Variants in FAM168A observed in about 807,000 individuals in gnomAD.
The protein encoded by FAM168A is family with sequence similarity 168 member A, also known as protein FAM168A.
Under a neutral mutation model 28.5 loss-of-function variants are expected in FAM168A, and 3 were observed. That is an observed-to-expected ratio of 0.11 (90% CI 0.05 to 0.27). FAM168A has a LOEUF of 0.27. FAM168A is among the 10% of genes least tolerant of loss of function. The pLI, the probability that FAM168A is intolerant of heterozygous loss-of-function variation, is 1.00. For synonymous variants in FAM168A, 122 were observed against 124.2 expected (o/e 0.98, Z 0.12); for missense variants, 222 against 311.5 (o/e 0.71, Z 2.16).
intron 1 of FAM168A, among the ~76,000 whole-genome samples, chr11:73,557,837 GA>G (rs1211541359): frequency 6.6e-6 from 1 of 152,150 alleles, no homozygotes; most frequent in Non-Finnish European, 1.5e-5. Flanking sequence ...CAATGGAACA[GA>G]ATCACAAGTC....
intron 1 of FAM168A, among the ~76,000 whole-genome samples, chr11:73,502,998 T>C (rs1459540231): frequency 9.2e-5 from 14 of 152,084 alleles, no homozygotes; most frequent in Admixed American, 6.6e-5. Context: ...ATGGAACATA[T>C]CTCAAAATAA....
At chr11:73,572,254 G>A (rs1333194829) in intron 1 of FAM168A, among the ~76,000 whole-genome samples, 1 of 149,486 alleles carries the variant, frequency 6.7e-6, no homozygotes, top group Non-Finnish European at 1.5e-5. Context: ...GGAGGGAGGT[G>A]GGGGGTCAGC....
rs751839815 is a variant in FAM168A at position 73,402,889 on chromosome 11, C to A, written c.*3874G>T. 14 of 152,238 alleles carry A rather than the reference C, an allele frequency of 9.2e-5. No individual in the cohort carries two copies. The highest frequency in any genetic ancestry group is 1.6e-4 in the Non-Finnish European group (11 of 68,060). 9.4% of individuals were successfully genotyped at this position (152,238 alleles called of 1,614,324 possible). A position where few individuals can be genotyped will look rare whatever the true frequency, so the allele number is the denominator to read the frequency against. On this transcript the variant is annotated 3_prime_UTR_variant, in exon 8 of 8. Transcript: ENST00000356467. The stretch of plus-strand genomic sequence containing the variant: ...CTGGCCCAAAGCAGTTCATACAAAT[C>A]TGCTCAGCTCAGAGACTGGGCTTCC...
At chr11:73,482,181 CTTTTT>C (rs55882143) in intron 1 of FAM168A, among the ~76,000 whole-genome samples, 2 of 77,556 alleles carry the variant, frequency 2.6e-5, no homozygotes, top group Non-Finnish European at 4.7e-5. Flanking sequence ...ATCCAACAGC[CTTTTT>C]TTTTTTTTTT....
intron 1 of FAM168A, among the ~76,000 whole-genome samples, chr11:73,548,930 C>G (rs1269553496): frequency 2.0e-5 from 3 of 152,040 alleles, no homozygotes; most frequent in African/African-American, 7.3e-5. Flanking sequence ...ACCACCACAC[C>G]TGGCTCCATA....
intron 2 of FAM168A, among the ~76,000 whole-genome samples, chr11:73,432,512 T>A (rs1053395176): frequency 1.3e-5 from 2 of 152,172 alleles, no homozygotes; most frequent in Non-Finnish European, 2.9e-5. Flanking sequence ...TGGTTTTGAA[T>A]TGCATTTCCC....
chr11:73,541,888 G>T (rs1375768291), intron 1 of FAM168A, among the ~76,000 whole-genome samples: 2 of 152,148 alleles, frequency 1.3e-5, no homozygotes, highest in Non-Finnish European at 2.9e-5. Flanking sequence ...GCCCTAAAAG[G>T]TAAAGTGAAC....
At chr11:73,565,937 G>A (rs548895450) in intron 1 of FAM168A, among the ~76,000 whole-genome samples, 2 of 152,182 alleles carry the variant, frequency 1.3e-5, no homozygotes, top group Non-Finnish European at 2.9e-5. Flanking sequence ...AGGTGTGCAG[G>A]GCTCAAGCTG....
intron 2 of FAM168A, among the ~76,000 whole-genome samples, chr11:73,432,693 C>T (rs976221504): frequency 6.6e-6 from 1 of 152,030 alleles, no homozygotes; most frequent in Non-Finnish European, 1.5e-5. Flanking sequence ...ACTGGCAGAT[C>T]ACAAAGTCAA....
chr11:73,538,316 T>C (rs1177842205), intron 1 of FAM168A, among the ~76,000 whole-genome samples: 1 of 146,350 alleles, frequency 6.8e-6, no homozygotes, highest in East Asian at 1.9e-4. Flanking sequence ...ACTTGGACAA[T>C]GGATGCAGGT....
chr11:73,545,176 C>T (rs757656697), intron 1 of FAM168A, among the ~76,000 whole-genome samples: 2 of 148,134 alleles, frequency 1.4e-5, no homozygotes, highest in African/African-American at 2.5e-5. Flanking sequence ...TAGACATGCA[C>T]CACCACATCC....
chr11:73,521,153 G>A (rs1353068166), intron 1 of FAM168A, among the ~76,000 whole-genome samples: 3 of 152,226 alleles, frequency 2.0e-5, no homozygotes, highest in Non-Finnish European at 2.9e-5. Context: ...AGGATTGGTA[G>A]GTTGTTCTGC....
Position 73,521,560 on chromosome 11 carries a change from A to G in FAM168A, c.-18-53068T>C, listed in dbSNP as rs577986681. On this transcript the variant is annotated intron_variant, in intron 1 of 7. Transcript: ENST00000356467. Reference sequence around the variant, plus strand: ...GGTGGAGATGGAGAGGTAGGGGATAACTGCTCCTAATTTCCTCTTTAGAAC... The same window carrying G: ...GGTGGAGATGGAGAGGTAGGGGATAGCTGCTCCTAATTTCCTCTTTAGAAC... 1.1e-4 allele frequency among the ~76,000 whole-genome samples: 17 copies of G among 152,346 alleles called. No individual in the cohort carries two copies. The South Asian group carries it at 2.9e-3, about 26-fold the overall frequency.
At chr11:73,445,419 C>CTCTTTTTTTTTTTTTTTTTTTTTTTTTT (rs776745757) in intron 2 of FAM168A, among the ~76,000 whole-genome samples, 1 of 50,432 alleles carries the variant, frequency 2.0e-5, no homozygotes, top group African/African-American at 7.1e-5. Flanking sequence ...AAAAATGTCT[C>CTCTTTTTTTTTTTTTTTTTTTTTTTTTT]TTTTTTTTTT....
chr11:73,541,924 C>T (rs1186729828), intron 1 of FAM168A, among the ~76,000 whole-genome samples: 1 of 152,192 alleles, frequency 6.6e-6, no homozygotes, highest in East Asian at 1.9e-4. Flanking sequence ...TTATTTAAAA[C>T]CAAACCATAA....
chr11:73,437,549 T>C (rs758342604), intron 2 of FAM168A, among the ~76,000 whole-genome samples: 9 of 151,026 alleles, frequency 6.0e-5, no homozygotes, highest in Non-Finnish European at 1.0e-4. Context: ...CTTCTAATGA[T>C]GGTATGCTCA....
At chr11:73,563,912 AG>A (rs1327707282) in intron 1 of FAM168A, among the ~76,000 whole-genome samples, 2 of 152,236 alleles carry the variant, frequency 1.3e-5, no homozygotes, top group Non-Finnish European at 2.9e-5. Flanking sequence ...TAATTAACTG[AG>A]GCCCAAGATT....
chr11:73,519,008 T>G (rs1037295249), intron 1 of FAM168A, among the ~76,000 whole-genome samples: 1 of 152,218 alleles, frequency 6.6e-6, no homozygotes, highest in Admixed American at 6.5e-5. Flanking sequence ...AAGCAGATGC[T>G]GATGCCATGC....
chr11:73,510,459 T>C (rs1005025331), intron 1 of FAM168A, among the ~76,000 whole-genome samples: 1 of 152,162 alleles, frequency 6.6e-6, no homozygotes, highest in South Asian at 2.1e-4. Flanking sequence ...ATATGTGGGA[T>C]CTGGGTAAGT....
Sources: allele counts gnomAD v4.1 joint callset (sites outside exome capture counted in the v4.1 genomes callset), GRCh38; gene constraint gnomAD v4.1.1; transcripts MANE v1.5; gene names NCBI Gene and HGNC (gene_info 2026-07-23, HGNC 2026-07-21).